Variants in NGEF observed in about 807,000 individuals in gnomAD.
NGEF encodes ephexin-1.
Under a neutral mutation model 80.9 loss-of-function variants are expected in NGEF, and 31 were observed. That is an observed-to-expected ratio of 0.38 (90% confidence interval 0.29 to 0.52). The LOEUF (loss-of-function observed/expected upper bound fraction) is 0.52, where lower values mean the gene tolerates loss of function less well. Ranked by LOEUF, NGEF falls within the 20% of genes least tolerant of loss-of-function variation. The probability of loss-of-function intolerance (pLI) is 0.84; values close to 1 mark genes in which losing one functional copy is unlikely to be tolerated. For missense variants in NGEF, 709 were observed against 926.2 expected, an observed-to-expected ratio of 0.77 and a Z score of 3.04; for synonymous variants, 371 against 370.2, an observed-to-expected ratio of 1.00 and a Z score of -0.03.
At chr2:232,928,994 C>T (rs1208928455) in intron 3 of NGEF, among the ~76,000 whole-genome samples, 1 of 152,184 alleles carries the variant, frequency 6.6e-6, no homozygotes, top group Admixed American at 6.5e-5. Context: ...TCAGGTGTGG[C>T]GAGGATATCT....
intron 3 of NGEF, among the ~76,000 whole-genome samples, chr2:232,951,677 T>C (rs899334799): frequency 6.6e-6 from 1 of 152,158 alleles, no homozygotes; most frequent in African/African-American, 2.4e-5. Context: ...ACCGCCAGGA[T>C]TCCTCAGTGC....
chr2:232,962,124 C>A (rs981787503), intron 3 of NGEF, among the ~76,000 whole-genome samples: 1 of 152,222 alleles, frequency 6.6e-6, no homozygotes, highest in African/African-American at 2.4e-5. Context: ...ATCAAAGCAG[C>A]CTTGGCCAGG....
chr2:232,980,067 G>T (rs904397989), intron 1 of NGEF, among the ~76,000 whole-genome samples: 1 of 152,208 alleles, frequency 6.6e-6, no homozygotes. Context: ...GGGGGGACCT[G>T]TGATGTGGTC....
intron 8 of NGEF, among the ~76,000 whole-genome samples, chr2:232,890,612 A>G (rs1691851015): frequency 6.6e-6 from 1 of 151,150 alleles, no homozygotes; most frequent in African/African-American, 2.4e-5. Flanking sequence ...ACGGCTGCAC[A>G]CCCCCAAACT....
Position 232,921,408 on chromosome 2 carries a change from C to T in NGEF, c.527-823G>A, listed in dbSNP as rs187126154. Among the ~76,000 whole-genome samples, 3 of 152,272 alleles carry T rather than the reference C, an allele frequency of 2.0e-5. No homozygotes were observed. The East Asian group carries it at 5.8e-4, about 29-fold the overall frequency. Reference sequence around the variant, plus strand: ...CACAGAGGCAGGAGTCTAGCCCAAGCGCAAGGGCTAGACAGAGCAAACACA... The same window carrying T: ...CACAGAGGCAGGAGTCTAGCCCAAGTGCAAGGGCTAGACAGAGCAAACACA... On this transcript the variant is annotated intron_variant, in intron 4 of 14. Coordinates refer to ENST00000264051, the MANE Select transcript of NGEF (RefSeq NM_019850.3).
chr2:232,922,114 G>T (rs902810047), intron 4 of NGEF, among the ~76,000 whole-genome samples: 3 of 152,188 alleles, frequency 2.0e-5, no homozygotes, highest in Admixed American at 2.0e-4. Flanking sequence ...CTAACTATGA[G>T]ACAAAGATGA....
intron 3 of NGEF, among the ~76,000 whole-genome samples, chr2:232,952,226 A>G (rs1054890056): frequency 1.3e-5 from 2 of 152,250 alleles, no homozygotes; most frequent in Non-Finnish European, 2.9e-5. Context: ...GAATATGGAT[A>G]TAAATTCCAA....
At chr2:232,954,263 A>G (rs924598683) in intron 3 of NGEF, among the ~76,000 whole-genome samples, 30 of 152,190 alleles carry the variant, frequency 2.0e-4, no homozygotes, top group Admixed American at 1.7e-3. Context: ...GGAGGTGGGT[A>G]TCCAGGCTTT....
intron 1 of NGEF, among the ~76,000 whole-genome samples, chr2:233,005,894 G>A (rs1339389977): frequency 3.3e-5 from 5 of 152,114 alleles, no homozygotes; most frequent in Admixed American, 1.3e-4. Context: ...TCAGCCCACC[G>A]CAACCTCTGC....
intron 5 of NGEF, among the ~76,000 whole-genome samples, chr2:232,898,296 G>A (rs1692162613): frequency 6.6e-6 from 1 of 152,202 alleles, no homozygotes; most frequent in African/African-American, 2.4e-5. Context: ...GCCTGCTAGA[G>A]ACACCTGGGA....
At position 232,879,427 on chromosome 2, in the gene NGEF, C is replaced by CCG; in HGVS notation, c.*61_*62insCG. The CCG allele has an allele frequency of 6.9e-7, 1 of 1,439,156 alleles. No individual in the cohort carries two copies. The highest frequency in any genetic ancestry group is 9.5e-7 in the Non-Finnish European group (1 of 1,056,040). The allele number at this position is 1,439,156 out of a possible 1,614,324, so 89.1% of individuals were successfully genotyped here. On this transcript the variant is annotated 3_prime_UTR_variant, in exon 15 of 15. Coordinates refer to ENST00000264051, the MANE Select transcript of NGEF (RefSeq NM_019850.3). ...TGGCCTGTGCTTCCCAGAGCCCCCCCCCCCCCACCTTCTGTCGGGGTCTCA... is the reference window on the plus strand; with the variant it reads ...TGGCCTGTGCTTCCCAGAGCCCCCCCCGCCCCCCACCTTCTGTCGGGGTCTCA...
intron 3 of NGEF, among the ~76,000 whole-genome samples, chr2:232,959,007 C>A (rs759740582): frequency 1.3e-5 from 2 of 152,082 alleles, no homozygotes; most frequent in Admixed American, 6.6e-5. Context: ...ACTACAATAC[C>A]ATTAGCATGC....
intron 3 of NGEF, among the ~76,000 whole-genome samples, chr2:232,928,833 G>A (rs937097206): frequency 6.6e-6 from 1 of 152,242 alleles, no homozygotes; most frequent in Non-Finnish European, 1.5e-5. Context: ...CCTGCCCGGT[G>A]ACATCGACTC....
At chr2:232,893,129 G>C in intron 6 of NGEF, 79 bp from the exon 7 acceptor site, 1 of 1,456,426 alleles carries the variant, frequency 6.9e-7, no homozygotes, top group Non-Finnish European at 9.4e-7. Flanking sequence ...CAGCATGCGA[G>C]CCTGACTTGG....
intron 3 of NGEF, among the ~76,000 whole-genome samples, chr2:232,965,243 C>G (rs371967688): frequency 1.1e-4 from 17 of 152,212 alleles, no homozygotes; most frequent in Non-Finnish European, 1.9e-4. Flanking sequence ...AAATTTAGAT[C>G]ATGAAACCTG....
At chr2:232,897,273 G>A (rs1243728008) in intron 5 of NGEF, among the ~76,000 whole-genome samples, 1 of 151,958 alleles carries the variant, frequency 6.6e-6, no homozygotes, top group Admixed American at 6.5e-5. Flanking sequence ...GGAGCTCCAG[G>A]GTTAGAGGCA....
intron 10 of NGEF, among the ~76,000 whole-genome samples, chr2:232,884,736 C>T (rs896654846): frequency 6.6e-6 from 1 of 152,192 alleles, no homozygotes; most frequent in African/African-American, 2.4e-5. Context: ...ATGGGACGCC[C>T]AGAAGACCGC....
chr2:232,966,038 T>C (rs192072003), intron 3 of NGEF, among the ~76,000 whole-genome samples: 83 of 152,296 alleles, frequency 5.4e-4, no homozygotes, highest in African/African-American at 1.9e-3. Context: ...ACTTGGAAGT[T>C]ATAAGCAAAT....
chr2:232,939,829 T>C (rs543295303), intron 3 of NGEF, among the ~76,000 whole-genome samples: 69 of 152,114 alleles, frequency 4.5e-4, no homozygotes, highest in African/African-American at 1.6e-3. Flanking sequence ...GAAACCCCAT[T>C]TCTATTAAAA....
Sources: allele counts gnomAD v4.1 joint callset (sites outside exome capture counted in the v4.1 genomes callset), GRCh38; gene constraint gnomAD v4.1.1; transcripts MANE v1.5; gene names NCBI Gene and HGNC (gene_info 2026-07-23, HGNC 2026-07-21).